The following TAS1R3 variants were observed in gnomAD, a reference collection of about 807,000 sequenced individuals.
The protein encoded by TAS1R3 is taste receptor type 1 member 3.
TAS1R3 carries 58 observed loss-of-function variants against 46.1 expected under a neutral mutation model. That is an observed-to-expected ratio of 1.26 (90% CI 1.02 to 1.57). The LOEUF is 1.57. Ranked by LOEUF, TAS1R3 falls within the 40% of genes most tolerant of loss-of-function variation. The pLI is 0.00. For synonymous variants in TAS1R3, 724 were observed against 544.7 expected (o/e 1.33, Z -4.58); for missense variants, 1,422 against 1,185.8 (o/e 1.20, Z -2.93).
Position 1,334,513 on chromosome 1 carries a change from C to A in TAS1R3, c.*49C>A. 1 of 1,445,454 alleles carries A rather than the reference C, an allele frequency of 6.9e-7. No homozygotes were observed. The highest frequency in any genetic ancestry group is 9.1e-7 in the Non-Finnish European group (1 of 1,098,024). The allele number at this position is 1,445,454 out of a possible 1,614,324, so 89.5% of individuals were successfully genotyped here. A position where few individuals can be genotyped will look rare whatever the true frequency, so the allele number is the denominator to read the frequency against. On this transcript the variant is annotated 3_prime_UTR_variant, in exon 6 of 6. Transcript: ENST00000339381. ...GGTGAACCCAGACTTAGCTGCGATCCCCCCCAAGCCAGCAATGACCCGTGT... is the reference window on the plus strand; with the variant it reads ...GGTGAACCCAGACTTAGCTGCGATCACCCCCAAGCCAGCAATGACCCGTGT...
chr1:1,333,919 C>CT lies in TAS1R3; in HGVS notation c.2015dup (p.Ser673GlufsTer170). ...ACTGCCTCTGAGCTGGGCAGACCGG[C>CT]TGAGTGGCTGCCTGCGGGGGCCCTG... On this transcript the variant is annotated frameshift_variant, in exon 6 of 6. Transcript: ENST00000339381. LOFTEE classifies it low-confidence loss of function (END_TRUNC). 3 of 1,601,104 alleles carry CT rather than the reference C, an allele frequency of 1.9e-6. No homozygotes were observed. Among genetic ancestry groups the CT allele is most frequent in the Non-Finnish European group, 2.5e-6 (3 of 1,179,806 alleles).
rs1318633084 is a variant in TAS1R3 at position 1,333,294 on chromosome 1, G to A, written c.1515G>A (p.Glu505=). The A allele has an allele frequency of 1.3e-6, 2 of 1,598,998 alleles. No homozygotes were observed. Among genetic ancestry groups the A allele is most frequent in the Non-Finnish European group, 8.5e-7 (1 of 1,173,854 alleles). ...PVSRCSRQCQ[E]GQVRRVKGFH... The stretch of plus-strand genomic sequence containing the variant: ...CCCGGTGCTCGCGGCAGTGCCAGGA[G>A]GGCCAGGTGCGCCGGGTCAAGGGGT... The change falls in exon 5 of 6, where the codon GAG becomes GAA. Residue 505 remains glutamate (E), a synonymous_variant. Coordinates refer to ENST00000339381, the MANE Select transcript of TAS1R3 (RefSeq NM_152228.3).
At position 1,334,548 on chromosome 1, in the gene TAS1R3, G is replaced by A; in HGVS notation, c.*84G>A. ...CAGCAATGACCCGTGTCTCGCTACA[G>A]AGACCCTCCCGCTCTAGGTTCTGAC... On this transcript the variant is annotated 3_prime_UTR_variant, in exon 6 of 6. Coordinates refer to ENST00000339381, the MANE Select transcript of TAS1R3 (RefSeq NM_152228.3). The A allele has an allele frequency of 7.2e-7, 1 of 1,390,248 alleles. No individual in the cohort carries two copies. Among genetic ancestry groups the A allele is most frequent in the East Asian group, 2.5e-5 (1 of 39,788 alleles). The allele number at this position is 1,390,248 out of a possible 1,614,324, so 86.1% of individuals were successfully genotyped here.
At position 1,334,308 on chromosome 1, in the gene TAS1R3, T is replaced by G; in HGVS notation, c.2403T>G (p.Cys801Trp). 1.2e-6 allele frequency: 2 copies of G among 1,611,746 alleles called. No individual in the cohort carries two copies. Among genetic ancestry groups the G allele is most frequent in the Non-Finnish European group, 1.7e-6 (2 of 1,179,178 alleles). The change falls in exon 6 of 6, where the codon TGT (cysteine) becomes TGG (tryptophan). Residue 801 changes from cysteine (C) to tryptophan (W), a missense_variant. Cys to Trp is a radical substitution (Grantham distance 215). Transcript: ENST00000339381. ...TGCAGATGGGCGCCCTCCTGCTCTG[T>G]GTCCTGGGCATCCTGGCTGCCTTCC... ...PAVQMGALLL[C>W]VLGILAAFHL...
chr1:1,335,272 C>A lies in TAS1R3; in HGVS notation c.*808C>A, dbSNP rs758739539. The A allele has an allele frequency of 1.3e-5, 2 of 152,282 alleles. No individual in the cohort carries two copies. Among genetic ancestry groups the A allele is most frequent in the African/African-American group, 4.8e-5 (2 of 41,470 alleles). 9.4% of individuals were successfully genotyped at this position (152,282 alleles called of 1,614,324 possible). The stretch of plus-strand genomic sequence containing the variant: ...CCGGAGAGAAGGGGCACAGGCCACA[C>A]ATCTGTCCCATAAAATTAAACGCTT... On this transcript the variant is annotated 3_prime_UTR_variant, in exon 6 of 6. Transcript: ENST00000339381.
In TAS1R3 at chr1:1,332,715, C is replaced by G. The variant is rs914224695; in HGVS notation, c.1184C>G (p.Ala395Gly). 1.9e-6 allele frequency: 3 copies of G among 1,604,250 alleles called. No homozygotes were observed. In the Admixed American group the frequency reaches 5.0e-5, roughly 27 times the overall value. The change falls in exon 3 of 6, where the codon GCA becomes GGA. Residue 395 changes from alanine to glycine, a missense_variant. Coordinates refer to ENST00000339381, the MANE Select transcript of TAS1R3 (RefSeq NM_152228.3). ...LNHHQTFSVY[A>G]AVYSVAQALH... Reference sequence around the variant, plus strand: ...CACCACCAGACGTTCTCTGTCTACGCAGCTGTGTATAGCGTGGCCCAGGCC... The same window carrying G: ...CACCACCAGACGTTCTCTGTCTACGGAGCTGTGTATAGCGTGGCCCAGGCC...
chr1:1,333,616 C>T lies in TAS1R3; in HGVS notation c.1711C>T (p.Leu571=), dbSNP rs781136817. The change falls in exon 6 of 6, where the codon CTG becomes TTG. Residue 571 remains leucine (L), a synonymous_variant. Coordinates refer to ENST00000339381, the MANE Select transcript of TAS1R3 (RefSeq NM_152228.3). ...GGCATGGGGCGAGCCGGCTGTGCTG[C>T]TGCTGCTCCTGCTGCTGAGCCTGGC... is the stretch of plus-strand genomic sequence containing the variant. ...FLAWGEPAVL[L]LLLLLSLALG... 8.6e-5 allele frequency: 138 copies of T among 1,610,472 alleles called. No homozygotes were observed. Among genetic ancestry groups the T allele is most frequent in the Non-Finnish European group, 1.2e-4 (136 of 1,179,782 alleles).
rs139563813 is a variant in TAS1R3, at chr1:1,333,648, C to T, written c.1743C>T (p.Gly581=). ...TCCTGCTGCTGAGCCTGGCGCTGGGCCTTGTGCTGGCTGCTTTGGGGCTGT... is the reference window on the plus strand; with the variant it reads ...TCCTGCTGCTGAGCCTGGCGCTGGGTCTTGTGCTGGCTGCTTTGGGGCTGT... ...LLLLLLSLAL[G]LVLAALGLFV... Residue 581 remains glycine, a synonymous_variant, in exon 6 of 6, where the codon GGC becomes GGT. Transcript: ENST00000339381. 1.5e-4 allele frequency: 240 copies of T among 1,612,116 alleles called. No homozygotes were observed. In the African/African-American group the frequency reaches 2.8e-3, roughly 19 times the overall value.
Position 1,332,071 on chromosome 1 carries a change from C to T in TAS1R3, c.540C>T (p.Phe180=). 1 of 1,603,298 alleles carries T rather than the reference C, an allele frequency of 6.2e-7. No homozygotes were observed. Among genetic ancestry groups the T allele is most frequent in the Admixed American group, 1.7e-5 (1 of 59,964 alleles). The part of the protein sequence containing the change: ...SMELLSARET[F]PSFFRTVPSD... The stretch of plus-strand genomic sequence containing the variant: ...AGCTGCTGAGCGCCCGGGAGACCTT[C>T]CCCTCCTTCTTCCGCACCGTGCCCA... The change falls in exon 3 of 6, where the codon TTC becomes TTT. Residue 180 remains phenylalanine (F), a synonymous_variant. Coordinates refer to ENST00000339381, the MANE Select transcript of TAS1R3 (RefSeq NM_152228.3).
In TAS1R3 at chr1:1,331,619, C is replaced by T. The variant is rs920911241; in HGVS notation, c.192-19C>T. ...GAGCTGGGGCCGAGGTGGCCATCTG[C>T]GGTTCTGTGTGGCCCCAGGTTCTCC... is the stretch of plus-strand genomic sequence containing the variant. On this transcript the variant is annotated intron_variant, in intron 1 of 5. Coordinates refer to ENST00000339381, the MANE Select transcript of TAS1R3 (RefSeq NM_152228.3). The T allele has an allele frequency of 2.4e-5, 38 of 1,606,800 alleles. No homozygotes were observed. Among genetic ancestry groups the T allele is most frequent in the East Asian group, 1.8e-4 (8 of 44,732 alleles).
chr1:1,331,579 G>T, intron 1 of TAS1R3, 43 bp downstream of exon 1: 1 of 1,603,374 alleles, frequency 6.2e-7, no homozygotes, highest in Admixed American at 1.7e-5. Flanking sequence ...GGGTGACCAG[G>T]TCTGGGGTGC....
chr1:1,333,140 G>T lies in TAS1R3; in HGVS notation c.1479+16G>T. On this transcript the variant is annotated intron_variant, in intron 4 of 5. Transcript: ENST00000339381. ...TGACAACCAGGTGAGGTGAGGGTGG[G>T]TGTGCCAGGCGTGCCCGTGGTAGCC... is the stretch of plus-strand genomic sequence containing the variant. The T allele has an allele frequency of 6.2e-7, 1 of 1,607,570 alleles. No individual in the cohort carries two copies. The highest frequency in any genetic ancestry group is 8.5e-7 in the Non-Finnish European group (1 of 1,178,100).
rs139530347 is a variant in TAS1R3, at chr1:1,334,383, C to A, written c.2478C>A (p.Pro826=). 1 of 1,610,134 alleles carries A rather than the reference C, an allele frequency of 6.2e-7. No individual in the cohort carries two copies. Among genetic ancestry groups the A allele is most frequent in the East Asian group, 2.2e-5 (1 of 44,778 alleles). ...TGCGGCAGCCAGGGCTCAACACCCCCGAGTTCTTCCTGGGAGGGGGCCCTG... is the reference window on the plus strand; with the variant it reads ...TGCGGCAGCCAGGGCTCAACACCCCAGAGTTCTTCCTGGGAGGGGGCCCTG... ...LLMRQPGLNT[P]EFFLGGGPGD... Residue 826 remains proline, a synonymous_variant, in exon 6 of 6, where the codon CCC becomes CCA. Transcript: ENST00000339381.
Position 1,332,426 on chromosome 1 carries a change from G to A in TAS1R3, c.895G>A (p.Ala299Thr), listed in dbSNP as rs868832246. The change falls in exon 3 of 6, where the codon GCC becomes ACC. Residue 299 changes from alanine to threonine, a missense_variant. Transcript: ENST00000339381. ...CAGGCTCTCGCCCAAGGTGTGGGTG[G>A]CCAGCGAGGCCTGGCTGACCTCTGA... ...SSRLSPKVWV[A>T]SEAWLTSDLV... is the part of the protein sequence containing the mutation. 1 of 1,606,568 alleles carries A rather than the reference G, an allele frequency of 6.2e-7. No individual in the cohort carries two copies. The highest frequency in any genetic ancestry group is 8.5e-7 in the Non-Finnish European group (1 of 1,178,230).
At position 1,333,033 on chromosome 1, in the gene TAS1R3, G is replaced by A. The variant is rs370861077; in HGVS notation, c.1388G>A (p.Gly463Asp). The A allele has an allele frequency of 3.7e-6, 6 of 1,612,642 alleles. No homozygotes were observed. The highest frequency in any genetic ancestry group is 2.7e-5 in the African/African-American group (2 of 74,942). ...EYDLKLWVWQGSVPRLHDVGR... is the reference protein window; with the variant it reads ...EYDLKLWVWQDSVPRLHDVGR... ...GACCTGAAGCTGTGGGTGTGGCAGG[G>A]CTCAGTGCCCAGGCTCCACGACGTG... Residue 463 changes from glycine to aspartate, a missense_variant, in exon 4 of 6, where the codon GGC becomes GAC. By Grantham distance (94) the Gly-to-Asp change is moderately conservative (BLOSUM62 -1). Coordinates refer to ENST00000339381, the MANE Select transcript of TAS1R3 (RefSeq NM_152228.3).
Position 1,333,662 on chromosome 1 carries a change from C to CT in TAS1R3, c.1760dup (p.Leu587PhefsTer256). On this transcript the variant is annotated frameshift_variant, in exon 6 of 6. Coordinates refer to ENST00000339381, the MANE Select transcript of TAS1R3 (RefSeq NM_152228.3). LOFTEE classifies it low-confidence loss of function (END_TRUNC). ...CTGGCGCTGGGCCTTGTGCTGGCTG[C>CT]TTTGGGGCTGTTCGTTCACCATCGG... 6.2e-7 allele frequency: 1 copy of CT among 1,612,172 alleles called. No homozygotes were observed. Among genetic ancestry groups the CT allele is most frequent in the Non-Finnish European group, 8.5e-7 (1 of 1,179,920 alleles).
Position 1,331,958 on chromosome 1 carries a change from A to AAAACCCCCCC in TAS1R3, c.492+20_492+21insAAACCCCCCC. On this transcript the variant is annotated intron_variant, in intron 2 of 5. Coordinates refer to ENST00000339381, the MANE Select transcript of TAS1R3 (RefSeq NM_152228.3). ...CCCCAGGTGGGCGCCCCCCACCATC[A>AAAACCCCCCC]CCCACCCCCACCCAGCCCTGCCCGT... 2.6e-6 allele frequency: 4 copies of AAAACCCCCCC among 1,539,204 alleles called. No individual in the cohort carries two copies. The highest frequency in any genetic ancestry group is 3.5e-6 in the Non-Finnish European group (4 of 1,141,734).
rs778689609 is a variant in TAS1R3, at chr1:1,333,108, A to G, written c.1463A>G (p.His488Arg). ...LRTERLKIRW[H>R]TSDNQKPVSR... ...ACAGAGCGCCTGAAGATCCGCTGGC[A>G]CACGTCTGACAACCAGGTGAGGTGA... is the stretch of plus-strand genomic sequence containing the variant. Residue 488 changes from histidine (H) to arginine (R), a missense_variant, in exon 4 of 6, where the codon CAC (histidine) becomes CGC (arginine). By Grantham distance (29) the His-to-Arg change is conservative. Transcript: ENST00000339381. 8.7e-6 allele frequency: 14 copies of G among 1,611,634 alleles called. No individual in the cohort carries two copies. The highest frequency in any genetic ancestry group is 1.7e-5 in the Admixed American group (1 of 59,958).
rs780884469 is a variant in TAS1R3, at chr1:1,332,714, G to A, written c.1183G>A (p.Ala395Thr). ...LNHHQTFSVY[A>T]AVYSVAQALH... ...TCACCACCAGACGTTCTCTGTCTAC[G>A]CAGCTGTGTATAGCGTGGCCCAGGC... The change falls in exon 3 of 6, where the codon GCA becomes ACA. Residue 395 changes from alanine to threonine, a missense_variant. By Grantham distance (58) the Ala-to-Thr change is moderately conservative. Transcript: ENST00000339381. 31 of 1,604,108 alleles carry A rather than the reference G, an allele frequency of 1.9e-5. No homozygotes were observed. The highest frequency in any genetic ancestry group is 5.3e-5 in the African/African-American group (4 of 74,946).
Sources: gnomAD v4.1 joint callset for allele counts on GRCh38, gnomAD v4.1.1 for gene constraint, MANE v1.5 for transcripts, NCBI Gene and HGNC (gene_info 2026-07-23, HGNC 2026-07-21) for gene names.